Variants in SLC38A1 observed in about 807,000 individuals in gnomAD.
SLC38A1 encodes the protein solute carrier family 38 member 1, also known as sodium-coupled neutral amino acid symporter 1.
In SLC38A1, 18 loss-of-function variants were observed where a neutral mutation model predicts 60.3. The ratio of observed to expected loss-of-function variants is 0.30; its 90% CI spans 0.21 to 0.44. The LOEUF (loss-of-function observed/expected upper bound fraction) is 0.44, where lower values mean the gene tolerates loss of function less well. SLC38A1 is among the 20% of genes least tolerant of loss of function. The probability of loss-of-function intolerance (pLI) is 1.00; values close to 1 mark genes in which losing one functional copy is unlikely to be tolerated. For missense variants in SLC38A1, 448 were observed against 587.2 expected (o/e 0.76, Z 2.45); for synonymous variants, 196 against 212.1 (o/e 0.92, Z 0.66).
intron 1 of SLC38A1, among the ~76,000 whole-genome samples, chr12:46,264,799 C>A (rs1033933140): frequency 1.3e-5 from 2 of 152,120 alleles, no homozygotes; most frequent in African/African-American, 4.8e-5. Flanking sequence ...TCTCCACAGT[C>A]CATTATATTA....
intron 5 of SLC38A1, among the ~76,000 whole-genome samples, chr12:46,210,602 T>A (rs1940116445): frequency 1.3e-5 from 2 of 152,236 alleles, no homozygotes; most frequent in South Asian, 4.2e-4. Context: ...AATTTCCACG[T>A]GTTTTGGGAG....
At chr12:46,212,831 C>T (rs958559544) in intron 5 of SLC38A1, among the ~76,000 whole-genome samples, 9 of 152,180 alleles carry the variant, frequency 5.9e-5, no homozygotes, top group Admixed American at 2.0e-4. Flanking sequence ...TTATGCAACC[C>T]ATTCTGTTTC....
chr12:46,219,519 T>A (rs1565770584), intron 5 of SLC38A1, among the ~76,000 whole-genome samples: 1 of 152,218 alleles, frequency 6.6e-6, no homozygotes, highest in East Asian at 1.9e-4. Flanking sequence ...CTGATATAGA[T>A]GCAGATCTTT....
chr12:46,190,505 C>G (rs549037421), intron 16 of SLC38A1, among the ~76,000 whole-genome samples: 2 of 152,296 alleles, frequency 1.3e-5, no homozygotes, highest in South Asian at 4.1e-4. Context: ...CTTGAGGAAT[C>G]GCCACACTGT....
chr12:46,236,257 G>A (rs1941254573), intron 3 of SLC38A1, among the ~76,000 whole-genome samples: 1 of 152,112 alleles, frequency 6.6e-6, no homozygotes, highest in Non-Finnish European at 1.5e-5. Context: ...TGAAAAATTA[G>A]ACCTTGGCAA....
At chr12:46,250,126 A>T (rs2138642174) in intron 1 of SLC38A1, among the ~76,000 whole-genome samples, 1 of 152,360 alleles carries the variant, frequency 6.6e-6, no homozygotes, top group East Asian at 1.9e-4. Flanking sequence ...GCACATCAAA[A>T]GCCTTATCCA....
At chr12:46,220,163 C>T (rs1297063090) in intron 5 of SLC38A1, among the ~76,000 whole-genome samples, 1 of 152,226 alleles carries the variant, frequency 6.6e-6, no homozygotes, top group African/African-American at 2.4e-5. Context: ...ACCACTTTCC[C>T]ATTTCCCTAT....
intron 16 of SLC38A1, among the ~76,000 whole-genome samples, chr12:46,194,000 C>G (rs1298028356): frequency 6.6e-6 from 1 of 152,102 alleles, no homozygotes; most frequent in Non-Finnish European, 1.5e-5. Flanking sequence ...TTATTTTGCT[C>G]GTTAATTGAT....
chr12:46,221,799 C>G (rs1011234185), intron 5 of SLC38A1, among the ~76,000 whole-genome samples: 3 of 152,128 alleles, frequency 2.0e-5, no homozygotes, highest in African/African-American at 7.2e-5. Context: ...GGAAGTGATA[C>G]TTACTATTAG....
intron 5 of SLC38A1, among the ~76,000 whole-genome samples, chr12:46,217,365 T>G (rs1043585137): frequency 6.6e-6 from 1 of 152,182 alleles, no homozygotes; most frequent in East Asian, 1.9e-4. Context: ...AACAAAAATC[T>G]TAGAATGAAA....
In SLC38A1 at chr12:46,208,585, C is replaced by T. The variant is rs1940012255; in HGVS notation, c.388+469G>A. ...TAGAAAATAAACACTTCAGGTATTACACTGCCCAGAGTACTTGAAGTCTCT... is the reference window on the plus strand; with the variant it reads ...TAGAAAATAAACACTTCAGGTATTATACTGCCCAGAGTACTTGAAGTCTCT... On this transcript the variant is annotated intron_variant, in intron 6 of 16. Transcript: ENST00000398637. Among the ~76,000 whole-genome samples, 7 of 152,192 alleles carry T rather than the reference C, an allele frequency of 4.6e-5. No homozygotes were observed. The South Asian group carries it at 1.4e-3, about 31-fold the overall frequency.
chr12:46,253,758 T>C (rs1026618477), intron 1 of SLC38A1, among the ~76,000 whole-genome samples: 1 of 147,808 alleles, frequency 6.8e-6, no homozygotes, highest in South Asian at 2.1e-4. Flanking sequence ...CCTCTGACAT[T>C]TCCCCCCTCC....
rs1939896990 is a variant in SLC38A1, at chr12:46,206,282, T to C, written c.564-120A>G. The stretch of plus-strand genomic sequence containing the variant: ...TATTAATTTTTACTATATGCATTAA[T>C]TTTTAAAATCATTATTCAGGTCTTA... On this transcript the variant is annotated intron_variant, in intron 8 of 16. Coordinates refer to ENST00000398637, the MANE Select transcript of SLC38A1 (RefSeq NM_030674.4). 2.2e-5 allele frequency: 12 copies of C among 533,660 alleles called. No homozygotes were observed. The East Asian group carries it at 3.8e-4, about 17-fold the overall frequency. The allele number at this position is 533,660 out of a possible 1,614,324, so 33.1% of individuals were successfully genotyped here.
rs561536578 is a variant in SLC38A1, at chr12:46,221,390, T to G, written c.314+7763A>C. Among the ~76,000 whole-genome samples the G allele has an allele frequency of 1.4e-3, 216 of 152,232 alleles. 1 individual carries two copies. The highest frequency in any genetic ancestry group is 2.6e-3 in the Non-Finnish European group (174 of 68,018). On this transcript the variant is annotated intron_variant, in intron 5 of 16. Coordinates refer to ENST00000398637, the MANE Select transcript of SLC38A1 (RefSeq NM_030674.4). Reference sequence around the variant, plus strand: ...TATTTCTTAGCAGTCTCAGAACTATTTTGAATTTTCAAATGAAGGAGGCAT... The same window carrying G: ...TATTTCTTAGCAGTCTCAGAACTATGTTGAATTTTCAAATGAAGGAGGCAT...
chr12:46,202,570 A>T (rs1328081583), intron 12 of SLC38A1, among the ~76,000 whole-genome samples: 2 of 152,090 alleles, frequency 1.3e-5, no homozygotes, highest in Non-Finnish European at 2.9e-5. Context: ...CTTAATATTG[A>T]TTTCTTATTG....
At chr12:46,261,092 C>A (rs1248072961) in intron 1 of SLC38A1, among the ~76,000 whole-genome samples, 22 of 152,158 alleles carry the variant, frequency 1.4e-4, no homozygotes, top group Admixed American at 1.4e-3. Context: ...CACACCATCC[C>A]CCTGATCCTG....
chr12:46,222,909 G>T (rs1283069595), intron 5 of SLC38A1, among the ~76,000 whole-genome samples: 1 of 152,138 alleles, frequency 6.6e-6, no homozygotes, highest in African/African-American at 2.4e-5. Context: ...ACTTGATATT[G>T]CCAAGCTGTT....
chr12:46,242,741 C>T (rs1476512926), intron 2 of SLC38A1, among the ~76,000 whole-genome samples: 1 of 152,112 alleles, frequency 6.6e-6, no homozygotes, highest in African/African-American at 2.4e-5. Flanking sequence ...GGTCAAAGCT[C>T]CACTGAAATG....
At chr12:46,211,204 G>C (rs1037732253) in intron 5 of SLC38A1, among the ~76,000 whole-genome samples, 1 of 152,188 alleles carries the variant, frequency 6.6e-6, no homozygotes, top group Admixed American at 6.5e-5. Context: ...GAGGATTTCC[G>C]TGTGGCACAG....
Sources: allele counts gnomAD v4.1 joint callset (sites outside exome capture counted in the v4.1 genomes callset), GRCh38; gene constraint gnomAD v4.1.1; transcripts MANE v1.5; gene names NCBI Gene and HGNC (gene_info 2026-07-23, HGNC 2026-07-21).